Variants in UGT1A8 observed in about 807,000 individuals in gnomAD.
UGT1A8 encodes the protein UDP glucuronosyltransferase family 1 member A8.
UGT1A8 carries 39 observed loss-of-function variants against 45.3 expected under a neutral mutation model. The ratio of observed to expected loss-of-function variants is 0.86; its 90% CI spans 0.67 to 1.12. The LOEUF is 1.12. Among genes scored for constraint, UGT1A8 ranks in the 50% most tolerant of loss-of-function variants. The probability of loss-of-function intolerance (pLI) is 0.00; values close to 1 mark genes in which losing one functional copy is unlikely to be tolerated. For synonymous variants in UGT1A8, 275 were observed against 249.2 expected (o/e 1.10, Z -0.97); for missense variants, 719 against 664.9 (o/e 1.08, Z -0.90).
intron 1 of UGT1A8, among the ~76,000 whole-genome samples, chr2:233,639,863 T>C (rs2073403963): frequency 1.3e-5 from 2 of 152,220 alleles, no homozygotes; most frequent in Non-Finnish European, 2.9e-5. Flanking sequence ...TGTGTGTTGA[T>C]TAGTGATGTG....
rs368860136 is a variant in UGT1A8, at chr2:233,772,310, G to A, written c.1344G>A (p.Pro448=). The A allele has an allele frequency of 6.6e-5, 107 of 1,614,092 alleles. No individual in the cohort carries two copies. The highest frequency in any genetic ancestry group is 2.5e-4 in the African/African-American group (19 of 74,926). ...MRLSSLHKDR[P]VEPLDLAVFW... ...TCTCCAGCCTTCACAAGGACCGCCCGGTGGAGCCGCTGGACCTGGCCGTGT... is the reference window on the plus strand; with the variant it reads ...TCTCCAGCCTTCACAAGGACCGCCCAGTGGAGCCGCTGGACCTGGCCGTGT... Residue 448 remains proline, a synonymous_variant, in exon 5 of 5, where the codon CCG becomes CCA. Transcript: ENST00000373450.
chr2:233,625,951 A>T (rs557294621), intron 1 of UGT1A8, among the ~76,000 whole-genome samples: 1,819 of 152,038 alleles, frequency 0.012, 15 homozygotes, highest in Admixed American at 0.019. Context: ...TATGTATAAG[A>T]GGAAGTCATT....
At chr2:233,654,448 G>A in intron 1 of UGT1A8, among the ~76,000 whole-genome samples, 1 of 152,176 alleles carries the variant, frequency 6.6e-6, no homozygotes, top group East Asian at 1.9e-4. Context: ...CTGTACTCCA[G>A]CAGAGCATCA....
chr2:233,743,649 C>T (rs754713764), intron 1 of UGT1A8: 21 of 1,367,286 alleles, frequency 1.5e-5, no homozygotes, highest in Non-Finnish European at 1.9e-5. Context: ...AAGCTGAAGA[C>T]GTACTCGAAG....
chr2:233,748,214 G>A, intron 1 of UGT1A8: 1 of 1,480,602 alleles, frequency 6.8e-7, no homozygotes, highest in Non-Finnish European at 9.1e-7. Flanking sequence ...AGCCTTCAGT[G>A]AGATAAACTG....
At chr2:233,630,421 A>G (rs1039406494) in intron 1 of UGT1A8, among the ~76,000 whole-genome samples, 9 of 152,304 alleles carry the variant, frequency 5.9e-5, no homozygotes, top group Non-Finnish European at 1.0e-4. Flanking sequence ...GAAGGTATCA[A>G]GAAAACCTGC....
chr2:233,698,747 A>G (rs2075459836), intron 1 of UGT1A8, among the ~76,000 whole-genome samples: 1 of 152,228 alleles, frequency 6.6e-6, no homozygotes, highest in Non-Finnish European at 1.5e-5. Context: ...TTTTTTACAT[A>G]ATGCTATGAT....
chr2:233,641,202 C>T (rs935439606), intron 1 of UGT1A8, among the ~76,000 whole-genome samples: 13 of 152,190 alleles, frequency 8.5e-5, no homozygotes, highest in African/African-American at 3.1e-4. Context: ...TCTAATAAAT[C>T]TGCCTTTCTT....
In UGT1A8 at chr2:233,704,013, C is replaced by T. The variant is rs540350992; in HGVS notation, c.856-63021C>T. ...TCAAGCAGTTCTCCCACCTCAGCCG[C>T]CCGAGCAGCTGGAACTACAGGTGTG... On this transcript the variant is annotated intron_variant, in intron 1 of 4. Coordinates refer to ENST00000373450, the MANE Select transcript of UGT1A8 (RefSeq NM_019076.5). Among the ~76,000 whole-genome samples the T allele has an allele frequency of 9.2e-5, 14 of 152,132 alleles. No individual in the cohort carries two copies. The East Asian group carries it at 2.7e-3, about 29-fold the overall frequency.
At chr2:233,674,100 A>C (rs879388307) in intron 1 of UGT1A8, among the ~76,000 whole-genome samples, 368 of 152,276 alleles carry the variant, frequency 2.4e-3, no homozygotes, top group Non-Finnish European at 4.6e-3. Flanking sequence ...TTTTGGAGGG[A>C]TGGAGTATAC....
intron 1 of UGT1A8, among the ~76,000 whole-genome samples, chr2:233,722,549 T>C (rs2077022097): frequency 6.6e-6 from 1 of 152,228 alleles, no homozygotes; most frequent in East Asian, 1.9e-4. Flanking sequence ...CTAGTTTCTT[T>C]TGGTTGATTT....
chr2:233,697,900 A>C (rs1250701984), intron 1 of UGT1A8, among the ~76,000 whole-genome samples: 4 of 152,230 alleles, frequency 2.6e-5, no homozygotes, highest in Non-Finnish European at 5.9e-5. Flanking sequence ...AATCAAATCT[A>C]TTGACTCCTT....
intron 1 of UGT1A8, among the ~76,000 whole-genome samples, chr2:233,699,179 A>ACTT (rs765566665): frequency 6.6e-6 from 1 of 151,668 alleles, no homozygotes; most frequent in Non-Finnish European, 1.5e-5. Context: ...TCTGATCCTC[A>ACTT]CTTCTTCTTC....
chr2:233,648,005 T>C (rs553085419), intron 1 of UGT1A8: 70 of 1,606,564 alleles, frequency 4.4e-5, no homozygotes, highest in Non-Finnish European at 5.9e-5. Flanking sequence ...GAGGTGGTTG[T>C]AGTCAGGCCA....
chr2:233,758,620 A>G (rs2125966627), intron 1 of UGT1A8, among the ~76,000 whole-genome samples: 1 of 152,334 alleles, frequency 6.6e-6, no homozygotes, highest in South Asian at 2.1e-4. Context: ...ATGTGCATGC[A>G]AAGTACCTAC....
intron 1 of UGT1A8, among the ~76,000 whole-genome samples, chr2:233,641,358 A>G (rs886795873): frequency 5.9e-5 from 9 of 152,220 alleles, no homozygotes; most frequent in African/African-American, 2.2e-4. Context: ...CACTATTTGC[A>G]TAAACAAACA....
intron 1 of UGT1A8, among the ~76,000 whole-genome samples, chr2:233,715,374 C>CAT (rs35623965): frequency 0.1 from 15,418 of 152,200 alleles, 893 homozygotes; most frequent in East Asian, 0.2. Flanking sequence ...ATTTTCTTCA[C>CAT]AGTTTGCTGT....
At chr2:233,710,810 A>G (rs2076149452) in intron 1 of UGT1A8, among the ~76,000 whole-genome samples, 2 of 152,196 alleles carry the variant, frequency 1.3e-5, no homozygotes, top group African/African-American at 4.8e-5. Context: ...CTCGTGCCCT[A>G]TCTAAGGAAT....
Position 233,648,741 on chromosome 2 carries a change from G to A in UGT1A8, c.855+30179G>A, listed in dbSNP as rs142796488. ...GGCCTCCCAAAGTGCTGGAATTACA[G>A]GGGTGAGCCACCACACCCAGCCTGG... On this transcript the variant is annotated intron_variant, in intron 1 of 4. Coordinates refer to ENST00000373450, the MANE Select transcript of UGT1A8 (RefSeq NM_019076.5). 1,007 of 561,922 alleles carry A rather than the reference G, an allele frequency of 1.8e-3. 7 individuals are homozygous for A. The highest frequency in any genetic ancestry group is 0.017 in the African/African-American group (870 of 52,052). The allele number at this position is 561,922 out of a possible 1,614,324, so 34.8% of individuals were successfully genotyped here.
Sources: allele counts gnomAD v4.1 joint callset (sites outside exome capture counted in the v4.1 genomes callset), GRCh38; gene constraint gnomAD v4.1.1; transcripts MANE v1.5; gene names NCBI Gene and HGNC (gene_info 2026-07-23, HGNC 2026-07-21).